SAMD4A: variants seen among roughly 807,000 people sequenced by gnomAD.
SAMD4A encodes the protein protein Smaug homolog 1.
A neutral mutation model predicts 81.3 loss-of-function variants in SAMD4A; 33 were observed. The observed-to-expected ratio is 0.41, with a 90% confidence interval of 0.31 to 0.54. The LOEUF (loss-of-function observed/expected upper bound fraction) is 0.54. Among genes scored for constraint, SAMD4A ranks in the 20% least tolerant of loss-of-function variants. SAMD4A has a pLI of 0.37. For missense variants in SAMD4A, 854 were observed against 951.1 expected (o/e 0.90, Z 1.34); for synonymous variants, 389 against 382.1 (o/e 1.02, Z -0.21).
chr14:54,612,774 G>A (rs1011336350), intron 2 of SAMD4A, among the ~76,000 whole-genome samples: 2 of 152,134 alleles, frequency 1.3e-5, no homozygotes, highest in African/African-American at 4.8e-5. Context: ...AAGATGGGGT[G>A]GGAAGACTAC....
chr14:54,737,561 T>TTG (rs34263162), intron 4 of SAMD4A, among the ~76,000 whole-genome samples: 8 of 122,608 alleles, frequency 6.5e-5, no homozygotes, highest in South Asian at 3.0e-4. Context: ...TTTTTTTTTT[T>TTG]GCATTGCAGT....
intron 2 of SAMD4A, among the ~76,000 whole-genome samples, chr14:54,600,921 T>G (rs2034036777): frequency 2.0e-5 from 3 of 152,230 alleles, no homozygotes; most frequent in Admixed American, 2.0e-4. Flanking sequence ...CTACATCAGC[T>G]CAGCTATGCA....
chr14:54,678,673 T>A (rs974333323), intron 2 of SAMD4A, among the ~76,000 whole-genome samples: 1 of 151,720 alleles, frequency 6.6e-6, no homozygotes, highest in African/African-American at 2.4e-5. Flanking sequence ...CTCAGCCTCC[T>A]GAGTAGCTGG....
intron 3 of SAMD4A, among the ~76,000 whole-genome samples, chr14:54,713,116 T>C (rs2037032230): frequency 6.6e-6 from 1 of 152,186 alleles, no homozygotes; most frequent in Non-Finnish European, 1.5e-5. Context: ...TTTTTTTTTC[T>C]TTTAAGATTT....
intron 2 of SAMD4A, among the ~76,000 whole-genome samples, chr14:54,629,089 G>A (rs1374573251): frequency 1.3e-5 from 1 of 79,030 alleles, no homozygotes; most frequent in African/African-American, 4.7e-5. Flanking sequence ...AATCCAATGT[G>A]ACTGGGTATC....
At chr14:54,597,939 T>G (rs1260790298) in intron 2 of SAMD4A, among the ~76,000 whole-genome samples, 4 of 152,142 alleles carry the variant, frequency 2.6e-5, no homozygotes, top group Non-Finnish European at 5.9e-5. Flanking sequence ...GATAGACATC[T>G]GAGTTTATAA....
chr14:54,746,566 G>A (rs1325784723), intron 4 of SAMD4A, among the ~76,000 whole-genome samples: 1 of 151,826 alleles, frequency 6.6e-6, no homozygotes, highest in Non-Finnish European at 1.5e-5. Flanking sequence ...GATTGAGCTG[G>A]GATTTGCACT....
chr14:54,640,679 T>C (rs2035153999), intron 2 of SAMD4A, among the ~76,000 whole-genome samples: 1 of 152,298 alleles, frequency 6.6e-6, no homozygotes. Context: ...GCTTTGGGGA[T>C]GGCAGCAGCT....
chr14:54,664,844 C>G (rs1566573474), intron 2 of SAMD4A, among the ~76,000 whole-genome samples: 1 of 150,182 alleles, frequency 6.7e-6, no homozygotes, highest in Non-Finnish European at 1.5e-5. Context: ...CACACACACA[C>G]ACACACTTCC....
intron 3 of SAMD4A, among the ~76,000 whole-genome samples, chr14:54,706,003 T>G (rs2036841942): frequency 6.6e-6 from 1 of 152,140 alleles, no homozygotes; most frequent in Non-Finnish European, 1.5e-5. Context: ...GCCTATCCTG[T>G]AAGTGCTGTG....
At chr14:54,719,076 C>A (rs1168930286) in intron 3 of SAMD4A, among the ~76,000 whole-genome samples, 3 of 152,108 alleles carry the variant, frequency 2.0e-5, no homozygotes, top group African/African-American at 7.2e-5. Context: ...TCCCCATTCC[C>A]CTTCCTTCTT....
At chr14:54,654,448 AACCCCCTGGGCCGGTG>A (rs1424478090) in intron 2 of SAMD4A, among the ~76,000 whole-genome samples, 1 of 152,206 alleles carries the variant, frequency 6.6e-6, no homozygotes, top group Non-Finnish European at 1.5e-5. Context: ...CTAGGATAGC[AACCCCCTGGGCCGGTG>A]ACCCCACACT....
At chr14:54,665,308 G>A (rs2035734468) in intron 2 of SAMD4A, among the ~76,000 whole-genome samples, 1 of 152,224 alleles carries the variant, frequency 6.6e-6, no homozygotes, top group African/African-American at 2.4e-5. Context: ...AGATCCCAAA[G>A]ATAAGTATGC....
chr14:54,592,060 T>C (rs892632628), intron 2 of SAMD4A, among the ~76,000 whole-genome samples: 5 of 149,836 alleles, frequency 3.3e-5, no homozygotes, highest in Non-Finnish European at 5.9e-5. Flanking sequence ...CTCTTCCCCC[T>C]CCCCATGTGC....
chr14:54,642,269 C>A (rs550951847), intron 2 of SAMD4A, among the ~76,000 whole-genome samples: 3 of 152,158 alleles, frequency 2.0e-5, no homozygotes, highest in Non-Finnish European at 4.4e-5. Context: ...GTGGAGGAGG[C>A]TTTCTCTAGG....
intron 2 of SAMD4A, among the ~76,000 whole-genome samples, chr14:54,578,563 T>C (rs1189501571): frequency 6.6e-6 from 1 of 151,698 alleles, no homozygotes; most frequent in Admixed American, 6.6e-5. Context: ...ATACAAAAAA[T>C]TAGCTGGGCG....
At chr14:54,601,842 A>G (rs995841247) in intron 2 of SAMD4A, among the ~76,000 whole-genome samples, 2 of 152,234 alleles carry the variant, frequency 1.3e-5, no homozygotes, top group African/African-American at 4.8e-5. Context: ...TTACATCACT[A>G]TCCTAAGAAC....
chr14:54,649,459 G>A (rs560515750), intron 2 of SAMD4A, among the ~76,000 whole-genome samples: 37 of 152,296 alleles, frequency 2.4e-4, no homozygotes, highest in Admixed American at 2.4e-3. Flanking sequence ...CGTGTGGGGT[G>A]GTGATCACTG....
intron 3 of SAMD4A, among the ~76,000 whole-genome samples, chr14:54,719,363 G>A (rs1301327590): frequency 1.3e-5 from 2 of 152,160 alleles, no homozygotes; most frequent in Admixed American, 1.3e-4. Context: ...TTTGGTGCTG[G>A]AGAAGTTTGC....
Sources: allele counts gnomAD v4.1 joint callset (sites outside exome capture counted in the v4.1 genomes callset), GRCh38; gene constraint gnomAD v4.1.1; transcripts MANE v1.5; gene names NCBI Gene and HGNC (gene_info 2026-07-23, HGNC 2026-07-21).